Variants in CD8B observed in about 807,000 individuals in gnomAD.
CD8B encodes T-cell surface glycoprotein CD8 beta chain.
Under a neutral mutation model 24.2 loss-of-function variants are expected in CD8B, and 6 were observed. The ratio of observed to expected loss-of-function variants is 0.25; its 90% CI spans 0.14 to 0.49. The LOEUF (loss-of-function observed/expected upper bound fraction) is 0.49. Ranked by LOEUF, CD8B falls within the 20% of genes least tolerant of loss-of-function variation. CD8B has a pLI of 0.98. For synonymous variants in CD8B, 84 were observed against 108.3 expected, an observed-to-expected ratio of 0.78 and a Z score of 1.39; for missense variants, 196 against 271.3, an observed-to-expected ratio of 0.72 and a Z score of 1.95.
At chr2:86,856,066 C>G (rs1399691633) in intron 2 of CD8B, among the ~76,000 whole-genome samples, 2 of 152,234 alleles carry the variant, frequency 1.3e-5, no homozygotes, top group East Asian at 3.9e-4. Flanking sequence ...CCAGCTTTGT[C>G]CTCTAAAAGG....
downstream of CD8B, among the ~76,000 whole-genome samples, chr2:86,833,988 A>G (rs1262576427): frequency 6.6e-6 from 1 of 152,060 alleles, no homozygotes; most frequent in Non-Finnish European, 1.5e-5. Context: ...TGGCTACACG[A>G]TATTTTTGGG....
chr2:86,833,487 T>TCCTCTCCTCC, downstream of CD8B, among the ~76,000 whole-genome samples: 2 of 88,922 alleles, frequency 2.2e-5, no homozygotes, highest in Non-Finnish European at 5.1e-5. Context: ...CCCTCTCCTC[T>TCCTCTCCTCC]CCTCTCCTCC....
At chr2:86,843,876 G>A (rs908438783) in intron 5 of CD8B, among the ~76,000 whole-genome samples, 13 of 152,274 alleles carry the variant, frequency 8.5e-5, no homozygotes, top group African/African-American at 2.9e-4. Flanking sequence ...TTGGCAGACG[G>A]GATTCAAACC....
chr2:86,824,454 A>T (rs898933564), intron 5 of CD8B, among the ~76,000 whole-genome samples: 12 of 152,242 alleles, frequency 7.9e-5, no homozygotes, highest in Non-Finnish European at 1.2e-4. Flanking sequence ...GCCAAAGGGC[A>T]AGAAGCCACG....
intron 5 of CD8B, among the ~76,000 whole-genome samples, chr2:86,832,193 A>AG (rs2104518762): frequency 6.6e-6 from 1 of 152,300 alleles, no homozygotes; most frequent in Non-Finnish European, 1.5e-5. Flanking sequence ...AAATAGTAAG[A>AG]GAAGGATAGG....
At chr2:86,823,277 T>A (rs7587225) in intron 5 of CD8B, among the ~76,000 whole-genome samples, 40,303 of 151,792 alleles carry the variant, frequency 0.27, 5,858 homozygotes, top group Non-Finnish European at 0.34. Context: ...TAAAAAAAAT[T>A]TTTAATTAAT....
chr2:86,822,234 G>T, intron 5 of CD8B: 1 of 713,744 alleles, frequency 1.4e-6, no homozygotes, highest in Non-Finnish European at 2.3e-6. Context: ...TACCCCAGCA[G>T]GAAAAAAAAA....
intron 5 of CD8B, among the ~76,000 whole-genome samples, chr2:86,821,132 T>C: frequency 6.6e-6 from 1 of 150,932 alleles, no homozygotes; most frequent in Admixed American, 6.7e-5. Flanking sequence ...CTTGAAAGGA[T>C]CAACTTTACT....
At chr2:86,857,541 A>C (rs1441674344) in intron 2 of CD8B, among the ~76,000 whole-genome samples, 1 of 152,068 alleles carries the variant, frequency 6.6e-6, no homozygotes, top group African/African-American at 2.4e-5. Flanking sequence ...CAACATGGTG[A>C]AATCTCGTCT....
intron 2 of CD8B, among the ~76,000 whole-genome samples, chr2:86,855,181 A>G (rs1676174947): frequency 6.6e-6 from 1 of 152,036 alleles, no homozygotes; most frequent in South Asian, 2.1e-4. Flanking sequence ...CAGATCAGTC[A>G]TTTTTGGGCT....
Position 86,838,220 on chromosome 2 carries a change from T to G in CD8B, c.*4087A>C, listed in dbSNP as rs917043725. On this transcript the variant is annotated 3_prime_UTR_variant, in exon 6 of 6. Transcript: ENST00000390655. The stretch of plus-strand genomic sequence containing the variant: ...CCCCAACTACAAAAGTAATACATGA[T>G]GTAAAAATTCACACAAGGAACTGTA... Among the ~76,000 whole-genome samples, 1 of 152,228 alleles carries G rather than the reference T, an allele frequency of 6.6e-6. No individual in the cohort carries two copies. The highest frequency in any genetic ancestry group is 1.5e-5 in the Non-Finnish European group (1 of 68,036).
intron 5 of CD8B, among the ~76,000 whole-genome samples, chr2:86,820,813 A>G (rs1674435465): frequency 6.6e-6 from 1 of 152,256 alleles, no homozygotes; most frequent in Admixed American, 6.5e-5. Context: ...ATGTAATAAC[A>G]GTGATCATTA....
intron 3 of CD8B, among the ~76,000 whole-genome samples, chr2:86,848,852 G>A (rs1190802542): frequency 1.3e-5 from 2 of 152,146 alleles, no homozygotes; most frequent in Non-Finnish European, 2.9e-5. Context: ...TAGTAGCTGG[G>A]ATTACAGGCA....
At chr2:86,853,420 C>T (rs1237939864) in intron 2 of CD8B, among the ~76,000 whole-genome samples, 31 of 152,078 alleles carry the variant, frequency 2.0e-4, no homozygotes, top group South Asian at 1.7e-3. Flanking sequence ...CTGGCCTGGA[C>T]GACAGAGCAA....
intron 5 of CD8B, among the ~76,000 whole-genome samples, chr2:86,842,829 A>G (rs1309900768): frequency 6.6e-6 from 1 of 152,186 alleles, no homozygotes; most frequent in Non-Finnish European, 1.5e-5. Flanking sequence ...AACCCAGACA[A>G]TAGAAGAGAG....
chr2:86,853,037 C>T lies in CD8B; in HGVS notation c.453G>A (p.Lys151=). 1 of 1,542,544 alleles carries T rather than the reference C, an allele frequency of 6.5e-7. No individual in the cohort carries two copies. The highest frequency in any genetic ancestry group is 8.7e-7 in the Non-Finnish European group (1 of 1,142,972). Residue 151 remains lysine, a synonymous_variant, in exon 3 of 6, where the codon AAG becomes AAA. Transcript: ENST00000390655. ...GCCTGGGTAACCGGCACACTCTCTTCTTGAGGGTGGACTTCTTGGTGGGCT... is the reference window on the plus strand; with the variant it reads ...GCCTGGGTAACCGGCACACTCTCTTTTTGAGGGTGGACTTCTTGGTGGGCT... ...TAQPTKKSTL[K]KRVCRLPRPE... is the part of the protein sequence containing the mutation.
Position 86,846,757 on chromosome 2 carries a change from G to A in CD8B, c.510C>T (p.Pro170=). Reference sequence around the variant, plus strand: ...CAGCCACCAGCAGGCCAAGGGTGATGGGGCTACAAAGTGGGCCTGGAAAAC... The same window carrying A: ...CAGCCACCAGCAGGCCAAGGGTGATAGGGCTACAAAGTGGGCCTGGAAAAC... ...PETQKGPLCS[P]ITLGLLVAGV... is the part of the protein sequence containing the mutation. Residue 170 remains proline, a synonymous_variant, in exon 4 of 6, where the codon CCC becomes CCT. Transcript: ENST00000390655. The A allele has an allele frequency of 6.3e-7, 1 of 1,580,776 alleles. No homozygotes were observed. The highest frequency in any genetic ancestry group is 8.6e-7 in the Non-Finnish European group (1 of 1,162,460).
rs1675362202 is a variant in CD8B at position 86,840,334 on chromosome 2, C to G, written c.*1973G>C. ...GGGCAGGGCATCTAAGGCCAATTAA[C>G]ATACACCAAAAGGAAAAACCCCATC... On this transcript the variant is annotated 3_prime_UTR_variant, in exon 6 of 6. Coordinates refer to ENST00000390655, the MANE Select transcript of CD8B (RefSeq NM_004931.5). 6.6e-6 allele frequency among the ~76,000 whole-genome samples: 1 copy of G among 152,194 alleles called. No homozygotes were observed. Among genetic ancestry groups the G allele is most frequent in the Non-Finnish European group, 1.5e-5 (1 of 68,046 alleles).
intron 5 of CD8B, among the ~76,000 whole-genome samples, chr2:86,820,500 G>A (rs1005783541): frequency 1.3e-5 from 2 of 152,156 alleles, no homozygotes; most frequent in African/African-American, 4.8e-5. Flanking sequence ...ATTTTAGCAT[G>A]TATTTGGTAA....
Sources: gnomAD v4.1 joint callset for allele counts (sites outside exome capture counted in the v4.1 genomes callset) on GRCh38, gnomAD v4.1.1 for gene constraint, MANE v1.5 for transcripts, NCBI Gene and HGNC (gene_info 2026-07-23, HGNC 2026-07-21) for gene names.